SGMS1: variants seen among roughly 807,000 people sequenced by gnomAD.
The protein encoded by SGMS1 is phosphatidylcholine:ceramide cholinephosphotransferase 1.
In SGMS1, 13 loss-of-function variants were observed where a neutral mutation model predicts 46.2. The observed-to-expected ratio is 0.28, with a 90% confidence interval of 0.18 to 0.45. The LOEUF (loss-of-function observed/expected upper bound fraction) is 0.45, where lower values mean the gene tolerates loss of function less well. Ranked by LOEUF, SGMS1 falls within the 20% of genes least tolerant of loss-of-function variation. The probability of loss-of-function intolerance (pLI) is 1.00; values close to 1 mark genes in which losing one functional copy is unlikely to be tolerated. For missense variants in SGMS1, 324 were observed against 519.9 expected, an observed-to-expected ratio of 0.62 and a Z score of 3.66; for synonymous variants, 203 against 187.8, an observed-to-expected ratio of 1.08 and a Z score of -0.66.
intron 2 of SGMS1, among the ~76,000 whole-genome samples, chr10:50,557,481 T>C (rs1838197888): frequency 6.6e-6 from 1 of 152,126 alleles, no homozygotes; most frequent in Non-Finnish European, 1.5e-5. Context: ...GCAATATTAG[T>C]TGTTTATCTG....
chr10:50,537,330 C>T (rs1217536824), intron 2 of SGMS1, among the ~76,000 whole-genome samples: 1 of 151,996 alleles, frequency 6.6e-6, no homozygotes, highest in Non-Finnish European at 1.5e-5. Context: ...GACTACTCAC[C>T]TGGGATGGTG....
intron 2 of SGMS1, among the ~76,000 whole-genome samples, chr10:50,548,442 C>A (rs866583202): frequency 6.6e-6 from 1 of 152,084 alleles, no homozygotes; most frequent in Non-Finnish European, 1.5e-5. Flanking sequence ...ACAAACCTGA[C>A]AAAAACAAGC....
At chr10:50,561,544 T>C (rs563506661) in intron 2 of SGMS1, among the ~76,000 whole-genome samples, 2 of 152,342 alleles carry the variant, frequency 1.3e-5, no homozygotes, top group African/African-American at 4.8e-5. Flanking sequence ...TTGAAGTTGC[T>C]CAATGACCTT....
At chr10:50,311,122 G>A in intron 9 of SGMS1, 140 bp downstream of exon 9, 1 of 947,624 alleles carries the variant, frequency 1.1e-6, no homozygotes, top group East Asian at 2.4e-5. Flanking sequence ...CAGTTGCATG[G>A]CGATGAGATG....
chr10:50,381,482 C>A (rs1384017211), intron 6 of SGMS1, among the ~76,000 whole-genome samples: 1 of 152,056 alleles, frequency 6.6e-6, no homozygotes, highest in African/African-American at 2.4e-5. Context: ...AAAATCCTTT[C>A]GTGAATTTTC....
At chr10:50,485,037 T>G (rs1420905408) in intron 3 of SGMS1, among the ~76,000 whole-genome samples, 1 of 152,136 alleles carries the variant, frequency 6.6e-6, no homozygotes, top group Non-Finnish European at 1.5e-5. Context: ...TATTGGAAGT[T>G]CTGGCAGGGC....
At chr10:50,311,193 T>C in intron 9 of SGMS1, 69 bp downstream of exon 9, 2 of 1,554,854 alleles carry the variant, frequency 1.3e-6, no homozygotes, top group Non-Finnish European at 1.7e-6. Flanking sequence ...AAAATGAGCT[T>C]TACCAGAGGA....
chr10:50,337,656 A>G (rs1271483219), intron 7 of SGMS1, among the ~76,000 whole-genome samples: 1 of 152,230 alleles, frequency 6.6e-6, no homozygotes, highest in African/African-American at 2.4e-5. Flanking sequence ...AAAATGAAAG[A>G]TAAATGTTAG....
intron 1 of SGMS1, chr10:50,623,466 GCCCCC>G: frequency 1.8e-6 from 1 of 569,688 alleles, no homozygotes; most frequent in Non-Finnish European, 2.2e-6. Flanking sequence ...CCGGCGGCCC[GCCCCC>G]TCCGAGCCCG....
At chr10:50,320,841 C>A (rs959165174) in intron 8 of SGMS1, among the ~76,000 whole-genome samples, 1 of 152,250 alleles carries the variant, frequency 6.6e-6, no homozygotes, top group Non-Finnish European at 1.5e-5. Context: ...GCAGCTCATG[C>A]TCCCAGCAGA....
chr10:50,349,342 C>G (rs1044980110), intron 6 of SGMS1, among the ~76,000 whole-genome samples: 1 of 152,320 alleles, frequency 6.6e-6, no homozygotes, highest in South Asian at 2.1e-4. Context: ...ATTCCTAAAC[C>G]ATGAATACCT....
At chr10:50,552,464 A>G (rs77372242) in intron 2 of SGMS1, among the ~76,000 whole-genome samples, 54 of 152,362 alleles carry the variant, frequency 3.5e-4, no homozygotes, top group Admixed American at 7.8e-4. Flanking sequence ...TCATTGCCAC[A>G]GGAATTCTCA....
chr10:50,481,634 A>G (rs1438861028), intron 3 of SGMS1, among the ~76,000 whole-genome samples: 2 of 152,204 alleles, frequency 1.3e-5, no homozygotes, highest in East Asian at 3.8e-4. Context: ...AATGATCACA[A>G]CAACTCTCCA....
At chr10:50,467,920 C>A (rs976103681) in intron 3 of SGMS1, among the ~76,000 whole-genome samples, 7 of 152,202 alleles carry the variant, frequency 4.6e-5, no homozygotes, top group African/African-American at 1.7e-4. Flanking sequence ...GACAGAGAAG[C>A]AGTTTATGAT....
chr10:50,595,516 T>C (rs537001105), intron 1 of SGMS1, among the ~76,000 whole-genome samples: 9 of 152,092 alleles, frequency 5.9e-5, no homozygotes, highest in Non-Finnish European at 1.0e-4. Flanking sequence ...CTCTACCGGG[T>C]ATGTATTATT....
intron 2 of SGMS1, among the ~76,000 whole-genome samples, chr10:50,537,018 C>T (rs1838007764): frequency 6.6e-6 from 1 of 152,134 alleles, no homozygotes; most frequent in South Asian, 2.1e-4. Flanking sequence ...TGACACATTG[C>T]TTCTTGTTTG....
chr10:50,477,587 G>GTGT (rs1837438746), intron 3 of SGMS1, among the ~76,000 whole-genome samples: 3 of 152,134 alleles, frequency 2.0e-5, no homozygotes, highest in Admixed American at 2.0e-4. Flanking sequence ...AGAATGATAT[G>GTGT]CTTTGGCTAT....
chr10:50,358,803 C>T (rs1328848019), intron 6 of SGMS1, among the ~76,000 whole-genome samples: 1 of 152,186 alleles, frequency 6.6e-6, no homozygotes, highest in East Asian at 1.9e-4. Flanking sequence ...GATAGCTTTA[C>T]TCCAAACAAA....
At chr10:50,376,084 G>A (rs1848517723) in intron 6 of SGMS1, among the ~76,000 whole-genome samples, 1 of 152,096 alleles carries the variant, frequency 6.6e-6, no homozygotes, top group African/African-American at 2.4e-5. Context: ...GATTTGCTGG[G>A]CAAAATCCAA....
Sources: allele counts gnomAD v4.1 joint callset (sites outside exome capture counted in the v4.1 genomes callset), GRCh38; gene constraint gnomAD v4.1.1; transcripts MANE v1.5; gene names NCBI Gene and HGNC (gene_info 2026-07-23, HGNC 2026-07-21).